GSAP: variants seen among roughly 807,000 people sequenced by gnomAD.
GSAP encodes the protein gamma-secretase-activating protein.
GSAP carries 118 observed loss-of-function variants against 131.7 expected under a neutral mutation model. The ratio of observed to expected loss-of-function variants is 0.90; its 90% confidence interval spans 0.77 to 1.04. The LOEUF (loss-of-function observed/expected upper bound fraction) is 1.04, where lower values mean the gene tolerates loss of function less well. GSAP is among the 50% of genes least tolerant of loss of function. The probability of loss-of-function intolerance (pLI) is 0.00; values close to 1 mark genes in which losing one functional copy is unlikely to be tolerated. For synonymous variants in GSAP, 381 were observed against 363.4 expected (o/e 1.05, Z -0.55); for missense variants, 1,019 against 1,013.2 (o/e 1.01, Z -0.08).
intron 30 of GSAP, 80 bp downstream of exon 30, chr7:77,311,761 G>C: frequency 1.3e-6 from 1 of 747,506 alleles, no homozygotes; most frequent in South Asian, 1.6e-5. Context: ...ATTTTGGAAA[G>C]AAGACAAAGA....
At chr7:77,334,664 C>T (rs918990916) in intron 19 of GSAP, among the ~76,000 whole-genome samples, 7 of 145,926 alleles carry the variant, frequency 4.8e-5, no homozygotes, top group Non-Finnish European at 1.0e-4. Flanking sequence ...TCCAACAAAG[C>T]AAATACTGTA....
At chr7:77,414,443 A>C (rs1803899667) in intron 1 of GSAP, among the ~76,000 whole-genome samples, 1 of 152,250 alleles carries the variant, frequency 6.6e-6, no homozygotes, top group South Asian at 2.1e-4. Context: ...TTCTCTTAGT[A>C]TAACAGGGCT....
chr7:77,355,079 G>C, intron 16 of GSAP, 134 bp downstream of exon 16: 1 of 623,384 alleles, frequency 1.6e-6, no homozygotes, highest in Non-Finnish European at 2.8e-6. Context: ...AAAAGATGAC[G>C]ATGTCAGCAG....
chr7:77,411,816 G>T, intron 1 of GSAP, among the ~76,000 whole-genome samples: 1 of 152,266 alleles, frequency 6.6e-6, no homozygotes, highest in South Asian at 2.1e-4. Flanking sequence ...TAAGACACTC[G>T]TGAAGAATAC....
intron 16 of GSAP, 136 bp from the exon 17 acceptor site, chr7:77,353,777 T>A: frequency 1.7e-6 from 1 of 581,572 alleles, no homozygotes; most frequent in Non-Finnish European, 3.0e-6. Flanking sequence ...CTCACTTCTA[T>A]ACTATCTTCA....
chr7:77,366,887 G>T (rs1237769048), intron 12 of GSAP, among the ~76,000 whole-genome samples: 1 of 152,034 alleles, frequency 6.6e-6, no homozygotes, highest in East Asian at 1.9e-4. Flanking sequence ...TGTAACTTCT[G>T]ATTTCTTTGA....
chr7:77,404,897 A>C lies in GSAP; in HGVS notation c.187-282T>G, dbSNP rs191194086. ...TTATACTTCCACTTATGTCTTTGAA[A>C]ACACACACATATGATAGATAATAGG... On this transcript the variant is annotated intron_variant, in intron 2 of 30. Coordinates refer to ENST00000257626, the MANE Select transcript of GSAP (RefSeq NM_017439.4). 2.8e-3 allele frequency among the ~76,000 whole-genome samples: 420 copies of C among 152,318 alleles called. 1 individual carries two copies. The highest frequency in any genetic ancestry group is 4.2e-3 in the Admixed American group (65 of 15,296).
intron 22 of GSAP, chr7:77,328,268 A>C: frequency 3.7e-6 from 4 of 1,071,542 alleles, no homozygotes; most frequent in Non-Finnish European, 4.5e-6. Context: ...AGACAGCTAG[A>C]AAGCAAGCAG....
chr7:77,381,272 A>AC, intron 8 of GSAP, 33 bp downstream of exon 8: 1 of 1,321,678 alleles, frequency 7.6e-7, no homozygotes. Context: ...GGAAAAAAAA[A>AC]CCTATGAAGC....
Position 77,402,616 on chromosome 7 carries a change from A to AAAAAAAAAAAAAAAAAAAT in GSAP, c.243+1942_243+1943insATTTTTTTTTTTTTTTTTT, listed in dbSNP as rs375595494. On this transcript the variant is annotated intron_variant, in intron 3 of 30. Transcript: ENST00000257626. ...CTCAAAAAAAAAAAAAAAAAAAAAA[A>AAAAAAAAAAAAAAAAAAAT]GAATTTTAAAGCCCATCTAGATTTG... 8.3e-4 allele frequency among the ~76,000 whole-genome samples: 67 copies of AAAAAAAAAAAAAAAAAAAT among 80,494 alleles called. 11 individuals are homozygous for AAAAAAAAAAAAAAAAAAAT. The highest frequency in any genetic ancestry group is 2.6e-3 in the Admixed American group (15 of 5,682). 52.8% of individuals were successfully genotyped at this position (80,494 alleles called of 152,430 possible).
chr7:77,323,253 T>C (rs1167658209), intron 24 of GSAP, among the ~76,000 whole-genome samples: 1 of 152,212 alleles, frequency 6.6e-6, no homozygotes, highest in Non-Finnish European at 1.5e-5. Context: ...TCTGGCCTAC[T>C]TAGGCTACTG....
At chr7:77,339,198 T>A (rs545651549) in intron 19 of GSAP, among the ~76,000 whole-genome samples, 5 of 152,216 alleles carry the variant, frequency 3.3e-5, no homozygotes, top group African/African-American at 9.6e-5. Context: ...CATCCCTCTA[T>A]AATTAAGTTG....
Position 77,321,767 on chromosome 7 carries a change from CAGA to C in GSAP, c.1924-367_1924-365del, listed in dbSNP as rs1787675089. 2.0e-5 allele frequency among the ~76,000 whole-genome samples: 3 copies of C among 152,202 alleles called. No homozygotes were observed. The East Asian group carries it at 5.8e-4, about 29-fold the overall frequency. ...AACGCAAGAGCCAACAGTGGACAGT[CAGA>C]AGAAAAGAGACACAGAATGGAGGTC... On this transcript the variant is annotated intron_variant, in intron 24 of 30. Coordinates refer to ENST00000257626, the MANE Select transcript of GSAP (RefSeq NM_017439.4).
At chr7:77,330,627 T>G (rs1788987308) in intron 19 of GSAP, 1 of 1,062,204 alleles carries the variant, frequency 9.4e-7, no homozygotes, top group East Asian at 7.5e-5. Context: ...AGAGAACTGC[T>G]GCTCACTTCC....
intron 1 of GSAP, chr7:77,415,981 G>A (rs1224287376): frequency 5.0e-6 from 2 of 402,632 alleles, no homozygotes; most frequent in Admixed American, 4.6e-5. Flanking sequence ...CAGCGAGCCA[G>A]GCGCCTCAGG....
chr7:77,416,179 G>T, intron 1 of GSAP, 34 bp downstream of exon 1: 1 of 435,042 alleles, frequency 2.3e-6, no homozygotes, highest in Non-Finnish European at 3.8e-6. Flanking sequence ...CCCACTCCCC[G>T]CCCCCACCCC....
intron 21 of GSAP, 144 bp from the exon 22 acceptor site, chr7:77,328,781 T>C (rs1052712911): frequency 1.2e-5 from 7 of 606,500 alleles, no homozygotes; most frequent in East Asian, 1.1e-4. Flanking sequence ...CTCAAAAACT[T>C]TGATCAATGT....
chr7:77,392,180 C>G lies in GSAP; in HGVS notation c.368-4732G>C, dbSNP rs7788806. On this transcript the variant is annotated intron_variant, in intron 5 of 30. Transcript: ENST00000257626. ...GAGGTTACAGTGAGCCGAGACCACACCATTGCACTCCAGCCTGGGTGACAG... is the reference window on the plus strand; with the variant it reads ...GAGGTTACAGTGAGCCGAGACCACAGCATTGCACTCCAGCCTGGGTGACAG... Among the ~76,000 whole-genome samples, 626 of 151,680 alleles carry G rather than the reference C, an allele frequency of 4.1e-3. 3 individuals carry two copies. Among genetic ancestry groups the G allele is most frequent in the African/African-American group, 0.014 (589 of 41,264 alleles).
intron 20 of GSAP, chr7:77,329,991 A>G (rs1045579534): frequency 6.7e-6 from 2 of 299,996 alleles, no homozygotes; most frequent in Non-Finnish European, 1.2e-5. Context: ...AGACATGGAT[A>G]TTAATCATAC....
Sources: allele counts gnomAD v4.1 joint callset (sites outside exome capture counted in the v4.1 genomes callset), GRCh38; gene constraint gnomAD v4.1.1; transcripts MANE v1.5; gene names NCBI Gene and HGNC (gene_info 2026-07-23, HGNC 2026-07-21).